The following FBXL17 variants were observed in gnomAD, a reference collection of about 807,000 sequenced individuals.
The protein encoded by FBXL17 is F-box/LRR-repeat protein 17.
FBXL17 carries 22 observed loss-of-function variants against 66.2 expected under a neutral mutation model. The ratio of observed to expected loss-of-function variants is 0.33; its 90% CI spans 0.24 to 0.47. The LOEUF is 0.47. FBXL17 is among the 20% of genes least tolerant of loss of function. FBXL17 has a pLI of 1.00. For missense variants in FBXL17, 878 were observed against 948.2 expected (o/e 0.93, Z 0.97); for synonymous variants, 474 against 400.5 (o/e 1.18, Z -2.19).
chr5:107,867,011 T>C (rs1419835959), intron 8 of FBXL17, among the ~76,000 whole-genome samples: 1 of 152,106 alleles, frequency 6.6e-6, no homozygotes, highest in Non-Finnish European at 1.5e-5. Context: ...TAAATTCATA[T>C]AGGGATTGTT....
chr5:108,271,959 A>G (rs574228282), intron 4 of FBXL17, among the ~76,000 whole-genome samples: 8 of 152,334 alleles, frequency 5.3e-5, no homozygotes, highest in African/African-American at 1.9e-4. Context: ...AATGAAGACT[A>G]AATGAGCTAA....
chr5:108,045,420 C>T (rs931215439), intron 6 of FBXL17, among the ~76,000 whole-genome samples: 2 of 151,770 alleles, frequency 1.3e-5, no homozygotes, highest in Non-Finnish European at 2.9e-5. Flanking sequence ...CCAGCCTGGG[C>T]GATAGAGCAA....
intron 6 of FBXL17, among the ~76,000 whole-genome samples, chr5:108,122,264 C>T (rs1052732969): frequency 8.6e-5 from 13 of 152,036 alleles, no homozygotes; most frequent in Admixed American, 5.9e-4. Flanking sequence ...AACATGAAAA[C>T]GCTCAGGCAT....
intron 4 of FBXL17, among the ~76,000 whole-genome samples, chr5:108,346,864 T>C (rs972572675): frequency 6.6e-6 from 1 of 152,062 alleles, no homozygotes; most frequent in African/African-American, 2.4e-5. Flanking sequence ...AAAAATTCAG[T>C]CTAACACAGA....
Position 107,903,744 on chromosome 5 carries a change from T to A in FBXL17, c.1823-22565A>T, listed in dbSNP as rs1009628141. 2.0e-5 allele frequency among the ~76,000 whole-genome samples: 3 copies of A among 152,172 alleles called. No individual in the cohort carries two copies. The East Asian group carries it at 5.8e-4, about 29-fold the overall frequency. ...TAACTTGCTTAGGGAGAAATAATAA[T>A]GCCAAAATTACCAGGAAAAATAGAA... On this transcript the variant is annotated intron_variant, in intron 7 of 8. Transcript: ENST00000542267.
At chr5:108,186,321 T>G in intron 5 of FBXL17, 74 bp from the exon 6 acceptor site, 2 of 1,277,692 alleles carry the variant, frequency 1.6e-6, no homozygotes, top group East Asian at 4.7e-5. Flanking sequence ...AAATGTAGTT[T>G]ATTACAAGGT....
intron 4 of FBXL17, among the ~76,000 whole-genome samples, chr5:108,325,866 G>C (rs1759823927): frequency 6.6e-6 from 1 of 152,096 alleles, no homozygotes. Flanking sequence ...GGATAGAAGT[G>C]AACAAGACAT....
At position 108,279,435 on chromosome 5, in the gene FBXL17, G is replaced by C. The variant is rs184096745; in HGVS notation, c.1507-55207C>G. On this transcript the variant is annotated intron_variant, in intron 4 of 8. Coordinates refer to ENST00000542267, the MANE Select transcript of FBXL17 (RefSeq NM_001163315.3). ...CAAACTGAGGAAACCACGGATACCA[G>C]TAATGCTATTTAGCTAAAATAATAA... 9.9e-5 allele frequency among the ~76,000 whole-genome samples: 15 copies of C among 152,056 alleles called. No homozygotes were observed. The East Asian group carries it at 2.9e-3, about 29-fold the overall frequency.
chr5:108,319,784 A>AT (rs1480092500), intron 4 of FBXL17, among the ~76,000 whole-genome samples: 2 of 151,728 alleles, frequency 1.3e-5, no homozygotes, highest in African/African-American at 2.4e-5. Flanking sequence ...TAATATTACT[A>AT]TAAAAACTAG....
intron 6 of FBXL17, among the ~76,000 whole-genome samples, chr5:108,052,112 CAAAAA>C (rs144705189): frequency 9.8e-6 from 1 of 102,194 alleles, no homozygotes; most frequent in Non-Finnish European, 1.9e-5. Flanking sequence ...GACTTCGTCT[CAAAAA>C]AAAAAAAAAA....
At chr5:107,881,996 A>C (rs1748809175) in intron 7 of FBXL17, among the ~76,000 whole-genome samples, 1 of 152,170 alleles carries the variant, frequency 6.6e-6, no homozygotes, top group Non-Finnish European at 1.5e-5. Context: ...ACAGCGACCA[A>C]GTGGTGAATG....
chr5:108,262,350 T>C (rs1391023181), intron 4 of FBXL17, among the ~76,000 whole-genome samples: 1 of 152,070 alleles, frequency 6.6e-6, no homozygotes, highest in African/African-American at 2.4e-5. Context: ...GATAAATATA[T>C]ATTTTTAAAG....
At chr5:108,360,391 C>T (rs1474483078) in intron 3 of FBXL17, among the ~76,000 whole-genome samples, 1 of 151,708 alleles carries the variant, frequency 6.6e-6, no homozygotes, top group Admixed American at 6.6e-5. Flanking sequence ...TTTTTTCTTT[C>T]GACACTTTAA....
In FBXL17 at chr5:108,330,895, C is replaced by CA. The variant is rs922817939; in HGVS notation, c.1506+17503dup. Among the ~76,000 whole-genome samples the CA allele has an allele frequency of 2.6e-4, 40 of 151,640 alleles. 1 individual carries two copies. The Middle Eastern group carries it at 0.01, about 39-fold the overall frequency. ...TGAAACCTCGTCTCTACTAAAAATA[C>CA]AAAAAAAATTAGCTGGGCATGGTGG... On this transcript the variant is annotated intron_variant, in intron 4 of 8. Transcript: ENST00000542267.
Position 108,080,724 on chromosome 5 carries a change from A to AAT in FBXL17, c.1746-59725_1746-59724dup, listed in dbSNP as rs200125612. Among the ~76,000 whole-genome samples, 126 of 152,302 alleles carry AAT rather than the reference A, an allele frequency of 8.3e-4. No individual in the cohort carries two copies. In the East Asian group the frequency reaches 0.023, roughly 28 times the overall value. ...GGGTTTCCAGGTCTTGGTGGATTCA[A>AAT]ATATTTTCTGATTGGCAATTGGTTG... On this transcript the variant is annotated intron_variant, in intron 6 of 8. Transcript: ENST00000542267.
At chr5:107,920,352 C>T (rs1480527548) in intron 7 of FBXL17, among the ~76,000 whole-genome samples, 2 of 152,156 alleles carry the variant, frequency 1.3e-5, no homozygotes, top group Non-Finnish European at 2.9e-5. Flanking sequence ...TTAAAGGCGT[C>T]TGCCACCATG....
At position 108,127,789 on chromosome 5, in the gene FBXL17, A is replaced by C. The variant is rs577264782; in HGVS notation, c.1745+58328T>G. Reference sequence around the variant, plus strand: ...TTCAATGAAATTAATCTAATAAAAAACAAGCATGAATTAAGAATTAATTTT... The same window carrying C: ...TTCAATGAAATTAATCTAATAAAAACCAAGCATGAATTAAGAATTAATTTT... On this transcript the variant is annotated intron_variant, in intron 6 of 8. Coordinates refer to ENST00000542267, the MANE Select transcript of FBXL17 (RefSeq NM_001163315.3). 2.5e-4 allele frequency among the ~76,000 whole-genome samples: 38 copies of C among 152,356 alleles called. No individual in the cohort carries two copies. The South Asian group carries it at 7.7e-3, about 31-fold the overall frequency.
At chr5:108,367,702 G>T in intron 2 of FBXL17, 129 bp downstream of exon 2, 1 of 738,564 alleles carries the variant, frequency 1.4e-6, no homozygotes, top group Non-Finnish European at 2.0e-6. Context: ...AACTACAGAA[G>T]CACAAAATTG....
chr5:108,287,152 C>G (rs1757931114), intron 4 of FBXL17, among the ~76,000 whole-genome samples: 1 of 151,780 alleles, frequency 6.6e-6, no homozygotes, highest in South Asian at 2.1e-4. Context: ...AATATAAAAC[C>G]TAAAACTATA....
Sources: allele counts gnomAD v4.1 joint callset (sites outside exome capture counted in the v4.1 genomes callset), GRCh38; gene constraint gnomAD v4.1.1; transcripts MANE v1.5; gene names NCBI Gene and HGNC (gene_info 2026-07-23, HGNC 2026-07-21).